RPH3AL: variants seen among roughly 807,000 people sequenced by gnomAD.
RPH3AL encodes rab effector Noc2.
A neutral mutation model predicts 43.1 loss-of-function variants in RPH3AL; 38 were observed. That is an observed-to-expected ratio of 0.88 (90% confidence interval 0.68 to 1.15). The LOEUF is 1.15. Among genes scored for constraint, RPH3AL ranks in the 50% most tolerant of loss-of-function variants. RPH3AL has a pLI of 0.00. For missense variants in RPH3AL, 462 were observed against 423.2 expected, an observed-to-expected ratio of 1.09 and a Z score of -0.81; for synonymous variants, 189 against 176.3, an observed-to-expected ratio of 1.07 and a Z score of -0.57.
intron 5 of RPH3AL, among the ~76,000 whole-genome samples, chr17:308,428 A>G (rs746003130): frequency 5.3e-5 from 8 of 152,232 alleles, no homozygotes; most frequent in Non-Finnish European, 1.2e-4. Context: ...CTGCCGTATG[A>G]TTCAGCAATT....
At chr17:316,448 C>T (rs1164582990) in intron 5 of RPH3AL, among the ~76,000 whole-genome samples, 6 of 144,598 alleles carry the variant, frequency 4.1e-5, no homozygotes, top group Non-Finnish European at 7.5e-5. Context: ...AGTCTCTGTG[C>T]TCCACCTCCA....
chr17:251,931 C>T (rs2041911684), intron 6 of RPH3AL, among the ~76,000 whole-genome samples: 1 of 152,220 alleles, frequency 6.6e-6, no homozygotes, highest in Non-Finnish European at 1.5e-5. Flanking sequence ...CCGCACGCCA[C>T]ACTGTCTCCC....
chr17:217,958 C>T (rs372983612), intron 8 of RPH3AL, among the ~76,000 whole-genome samples: 2,717 of 80,900 alleles, frequency 0.034, no homozygotes, highest in African/African-American at 0.066. Flanking sequence ...ATTGGCCTCG[C>T]TGAAATCAGG....
chr17:265,514 G>C (rs183150847), intron 6 of RPH3AL, among the ~76,000 whole-genome samples: 2 of 152,142 alleles, frequency 1.3e-5, no homozygotes, highest in African/African-American at 2.4e-5. Flanking sequence ...AAAAACGTTC[G>C]TCATCCTGAA....
intron 2 of RPH3AL, chr17:330,993 A>G (rs2044739986): frequency 6.6e-6 from 1 of 152,140 alleles, no homozygotes; most frequent in Non-Finnish European, 1.5e-5. Context: ...ACAGAGCTTG[A>G]GACAGGCCGG....
intron 7 of RPH3AL, among the ~76,000 whole-genome samples, chr17:229,827 G>A (rs1417044087): frequency 6.6e-6 from 1 of 152,202 alleles, no homozygotes; most frequent in Admixed American, 6.5e-5. Context: ...TTGTGGGTCT[G>A]GAAAGGGAGA....
rs1320731240 is a variant in RPH3AL at position 243,067 on chromosome 17, T to C, written c.613+4044A>G. Among the ~76,000 whole-genome samples, 11 of 123,950 alleles carry C rather than the reference T, an allele frequency of 8.9e-5. 1 individual carries two copies. The highest frequency in any genetic ancestry group is 1.6e-4 in the Non-Finnish European group (10 of 61,036). The allele number at this position is 123,950 out of a possible 152,430, so 81.3% of individuals were successfully genotyped here. A position where few individuals can be genotyped will look rare whatever the true frequency, so the allele number is the denominator to read the frequency against. ...TCCTCTATTGATTACCCTTCCTCTA[T>C]TGATTACCTTCCTCTATTGATTACC... On this transcript the variant is annotated intron_variant, in intron 7 of 9. Coordinates refer to ENST00000331302, the MANE Select transcript of RPH3AL (RefSeq NM_006987.4).
At chr17:252,245 G>C (rs2041922726) in intron 6 of RPH3AL, among the ~76,000 whole-genome samples, 1 of 152,030 alleles carries the variant, frequency 6.6e-6, no homozygotes, top group Non-Finnish European at 1.5e-5. Context: ...AAAGTGCTGG[G>C]ATTACAAACA....
intron 8 of RPH3AL, among the ~76,000 whole-genome samples, chr17:217,013 C>G (rs8070351): frequency 0.92 from 132,824 of 143,686 alleles, 61,392 homozygotes; most frequent in African/African-American, 0.95. Context: ...CTTCTTCTGC[C>G]CTAAAATTGG....
rs1485790831 is a variant in RPH3AL at position 245,126 on chromosome 17, G to A, written c.613+1985C>T. On this transcript the variant is annotated intron_variant, in intron 7 of 9. Transcript: ENST00000331302. This position sits in a 1 kb window ranked among gnomAD's most constrained non-coding sequence, Gnocchi z 5.9. Reference sequence around the variant, plus strand: ...GTGTGTACATGTGGATGTGTGTGTGGATGTGTGTGTCCATGTGGATGTGTG... The same window carrying A: ...GTGTGTACATGTGGATGTGTGTGTGAATGTGTGTGTCCATGTGGATGTGTG... 1.3e-5 allele frequency among the ~76,000 whole-genome samples: 2 copies of A among 150,678 alleles called. No homozygotes were observed. Among genetic ancestry groups the A allele is most frequent in the East Asian group, 2.0e-4 (1 of 5,108 alleles).
intron 5 of RPH3AL, among the ~76,000 whole-genome samples, chr17:310,632 G>T (rs1188454669): frequency 6.6e-6 from 1 of 152,176 alleles, no homozygotes; most frequent in Admixed American, 6.5e-5. Flanking sequence ...TCCTCACACC[G>T]TGTTAGAGCC....
chr17:241,369 C>T (rs1444760417), intron 7 of RPH3AL, among the ~76,000 whole-genome samples: 1 of 152,116 alleles, frequency 6.6e-6, no homozygotes, highest in East Asian at 1.9e-4. Context: ...GCACTCCATC[C>T]TGGGTGACAG....
chr17:235,370 G>A (rs71369971), intron 7 of RPH3AL, among the ~76,000 whole-genome samples: 6 of 142,654 alleles, frequency 4.2e-5, no homozygotes, highest in Admixed American at 7.0e-5. Flanking sequence ...AGCTGGGGTC[G>A]GCCGAGGCTC....
chr17:324,510 T>C (rs923668836), intron 3 of RPH3AL, among the ~76,000 whole-genome samples: 4 of 152,172 alleles, frequency 2.6e-5, no homozygotes, highest in Admixed American at 1.3e-4. Context: ...GTCCTTCCCC[T>C]GCACGTTCCC....
intron 6 of RPH3AL, among the ~76,000 whole-genome samples, chr17:271,670 T>C (rs999093174): frequency 2.0e-5 from 3 of 152,246 alleles, no homozygotes; most frequent in Admixed American, 2.0e-4. Context: ...GATTTTGGGC[T>C]GAGACAACAG....
At chr17:334,741 C>A (rs1488465613) in intron 1 of RPH3AL, among the ~76,000 whole-genome samples, 2 of 95,594 alleles carry the variant, frequency 2.1e-5, no homozygotes, top group Admixed American at 2.3e-4. Flanking sequence ...GGCTCCTTCT[C>A]CCCACGCCTT....
intron 1 of RPH3AL, among the ~76,000 whole-genome samples, chr17:341,748 G>A (rs543135904): frequency 5.9e-5 from 9 of 152,196 alleles, no homozygotes; most frequent in African/African-American, 1.4e-4. Context: ...GGGTAATGCC[G>A]TGCTGTTTAG....
chr17:345,224 G>A lies in RPH3AL; in HGVS notation c.-213+7488C>T, dbSNP rs934923484. 5.2e-5 allele frequency among the ~76,000 whole-genome samples: 7 copies of A among 135,184 alleles called. 2 individuals carry two copies. The highest frequency in any genetic ancestry group is 1.2e-4 in the Non-Finnish European group (7 of 59,210). 88.7% of individuals were successfully genotyped at this position (135,184 alleles called of 152,430 possible). On this transcript the variant is annotated intron_variant, in intron 1 of 9. Coordinates refer to ENST00000331302, the MANE Select transcript of RPH3AL (RefSeq NM_006987.4). ...AGCCTGGGGAGGTTAAGCCTGCAGT[G>A]AGCCATGATCGTGCCACTGCACTCC...
intron 5 of RPH3AL, among the ~76,000 whole-genome samples, chr17:318,099 G>A (rs2044348600): frequency 6.6e-6 from 1 of 152,106 alleles, no homozygotes; most frequent in African/African-American, 2.4e-5. Context: ...ACCATGACTA[G>A]CAGCCAGGCA....
Sources: allele counts gnomAD v4.1 joint callset (sites outside exome capture counted in the v4.1 genomes callset), GRCh38; gene constraint gnomAD v4.1.1; non-coding constraint Gnocchi (gnomAD v3.1); transcripts MANE v1.5; gene names NCBI Gene and HGNC (gene_info 2026-07-23, HGNC 2026-07-21).